NRG3: variants seen among roughly 807,000 people sequenced by gnomAD.
NRG3 encodes the protein neuregulin 3.
NRG3 carries 31 observed loss-of-function variants against 66.9 expected under a neutral mutation model. The observed-to-expected ratio is 0.46, with a 90% CI of 0.35 to 0.63. The LOEUF (loss-of-function observed/expected upper bound fraction) is 0.63. Among genes scored for constraint, NRG3 ranks in the 20% least tolerant of loss-of-function variants. The pLI is 0.00. For synonymous variants in NRG3, 393 were observed against 359.4 expected (o/e 1.09, Z -1.06); for missense variants, 910 against 878.9 (o/e 1.04, Z -0.45).
At chr10:82,946,991 T>C (rs1289317558) in intron 4 of NRG3, among the ~76,000 whole-genome samples, 1 of 152,176 alleles carries the variant, frequency 6.6e-6, no homozygotes, top group African/African-American at 2.4e-5. Context: ...CTGTTTATAA[T>C]GTATCACTAG....
intron 2 of NRG3, among the ~76,000 whole-genome samples, chr10:82,405,134 T>C (rs1480451927): frequency 6.6e-6 from 1 of 151,874 alleles, no homozygotes; most frequent in Non-Finnish European, 1.5e-5. Context: ...CTAAACAAAG[T>C]GAAAAAGACC....
rs367677897 is a variant in NRG3, at chr10:82,166,931, T to C, written c.824-191808T>C. 8.8e-4 allele frequency: 425 copies of C among 481,858 alleles called. 14 individuals carry two copies. The South Asian group carries it at 0.014, about 16-fold the overall frequency. The allele number at this position is 481,858 out of a possible 1,614,324, so 29.8% of individuals were successfully genotyped here. ...GGTATTTTAAAGATGTGCTTGACTGTCTTCTTGCTCGCATTATTTTGATAA... is the reference window on the plus strand; with the variant it reads ...GGTATTTTAAAGATGTGCTTGACTGCCTTCTTGCTCGCATTATTTTGATAA... On this transcript the variant is annotated intron_variant, in intron 1 of 8. Transcript: ENST00000372141.
At chr10:81,965,122 G>A (rs888864716) in intron 1 of NRG3, among the ~76,000 whole-genome samples, 5 of 152,158 alleles carry the variant, frequency 3.3e-5, no homozygotes, top group South Asian at 2.1e-4. Context: ...ACGAATTTCC[G>A]GAAAGTGCTG....
chr10:82,140,900 G>A (rs2069726556), intron 1 of NRG3, among the ~76,000 whole-genome samples: 1 of 152,084 alleles, frequency 6.6e-6, no homozygotes, highest in Non-Finnish European at 1.5e-5. Context: ...GATAGTGTTA[G>A]CCTTACCTAG....
intron 2 of NRG3, among the ~76,000 whole-genome samples, chr10:82,699,140 T>C (rs1269634830): frequency 1.3e-5 from 2 of 152,080 alleles, no homozygotes; most frequent in Non-Finnish European, 2.9e-5. Context: ...TGAAATGGAT[T>C]AGGATCAATT....
intron 3 of NRG3, among the ~76,000 whole-genome samples, chr10:82,865,157 G>A (rs1840583636): frequency 6.6e-6 from 1 of 152,096 alleles, no homozygotes; most frequent in Non-Finnish European, 1.5e-5. Context: ...TCTTCATGAT[G>A]TATGCAATAT....
chr10:82,738,581 A>G lies in NRG3; in HGVS notation c.958A>G (p.Lys320Glu). ...LTGSHKHCRC[K>E]EGYQGVRCDQ... ...TCATTTATCCCCTTTTCTCAGGTGC[A>G]AAGAAGGCTACCAAGGAGTCCGTTG... Residue 320 changes from lysine (K) to glutamate (E), a missense_variant, in exon 3 of 9, where the codon AAA (lysine) becomes GAA (glutamate). Coordinates refer to ENST00000372141, the MANE Select transcript of NRG3 (RefSeq NM_001010848.4). 1.2e-6 allele frequency: 2 copies of G among 1,614,052 alleles called. No homozygotes were observed. The highest frequency in any genetic ancestry group is 8.5e-7 in the Non-Finnish European group (1 of 1,179,904).
intron 1 of NRG3, among the ~76,000 whole-genome samples, chr10:82,116,282 G>A (rs1195689588): frequency 6.6e-6 from 1 of 152,062 alleles, no homozygotes; most frequent in Non-Finnish European, 1.5e-5. Flanking sequence ...CTTAAAAGGA[G>A]GGAAGGAGGG....
chr10:81,889,755 T>G (rs904618052), intron 1 of NRG3: 1 of 152,216 alleles, frequency 6.6e-6, no homozygotes. Flanking sequence ...ATCTATTTTA[T>G]TGACTTAGAT....
intron 3 of NRG3, among the ~76,000 whole-genome samples, chr10:82,861,390 T>C (rs957088577): frequency 6.6e-6 from 1 of 152,232 alleles, no homozygotes; most frequent in African/African-American, 2.4e-5. Context: ...TTCTGTTATG[T>C]TAAAAGAGGA....
At chr10:82,466,922 A>C (rs962558862) in intron 2 of NRG3, among the ~76,000 whole-genome samples, 2 of 152,108 alleles carry the variant, frequency 1.3e-5, no homozygotes, top group African/African-American at 4.8e-5. Flanking sequence ...CCAAAAAAAA[A>C]AAAAAACAAA....
Position 82,351,324 on chromosome 10 carries a change from G to T in NRG3, c.824-7415G>T, listed in dbSNP as rs148892751. On this transcript the variant is annotated intron_variant, in intron 1 of 8. Coordinates refer to ENST00000372141, the MANE Select transcript of NRG3 (RefSeq NM_001010848.4). ...AAAGACACATTTGGGAAATAAAGTT[G>T]TTGTAGAGAAAGATACACCATCCCC... Among the ~76,000 whole-genome samples, 590 of 152,290 alleles carry T rather than the reference G, an allele frequency of 3.9e-3. 10 individuals are homozygous for T. The highest frequency in any genetic ancestry group is 0.014 in the African/African-American group (571 of 41,554).
intron 1 of NRG3, among the ~76,000 whole-genome samples, chr10:82,208,796 C>T (rs2075257904): frequency 6.6e-6 from 1 of 152,012 alleles, no homozygotes; most frequent in African/African-American, 2.4e-5. Flanking sequence ...TAAAATATGG[C>T]AACTGCTACC....
intron 1 of NRG3, among the ~76,000 whole-genome samples, chr10:81,893,953 A>G (rs1425565853): frequency 6.6e-6 from 1 of 152,214 alleles, no homozygotes; most frequent in Non-Finnish European, 1.5e-5. Context: ...AGAGTGGGTC[A>G]CATGGAGTCC....
chr10:82,788,793 T>A (rs565244288), intron 3 of NRG3, among the ~76,000 whole-genome samples: 13 of 151,812 alleles, frequency 8.6e-5, no homozygotes, highest in South Asian at 4.1e-4. Context: ...ATTTTTTTTT[T>A]AAATCATACC....
At chr10:82,934,289 T>TTAAAAA (rs1309292226) in intron 4 of NRG3, among the ~76,000 whole-genome samples, 3 of 152,236 alleles carry the variant, frequency 2.0e-5, no homozygotes, top group African/African-American at 7.2e-5. Flanking sequence ...ACTTAAATAC[T>TTAAAAA]CTACATACTT....
chr10:82,918,002 G>A (rs1284076880), intron 4 of NRG3, among the ~76,000 whole-genome samples: 306 of 115,096 alleles, frequency 2.7e-3, no homozygotes, highest in Middle Eastern at 5.6e-3. Context: ...ATGTATGTAT[G>A]TATCTCTCTC....
intron 1 of NRG3, among the ~76,000 whole-genome samples, chr10:82,084,176 C>T (rs577653599): frequency 5.3e-5 from 8 of 151,980 alleles, no homozygotes; most frequent in South Asian, 4.2e-4. Flanking sequence ...TGCAGTGAGC[C>T]GAGATTGCGC....
chr10:81,875,857 G>A lies in NRG3; in HGVS notation c.517G>A (p.Val173Met). The change falls in exon 1 of 9, where the codon GTG (valine) becomes ATG (methionine). Residue 173 changes from valine (V) to methionine (M), a missense_variant. Physicochemically the swap from Val to Met is conservative, Grantham distance 21. Coordinates refer to ENST00000372141, the MANE Select transcript of NRG3 (RefSeq NM_001010848.4). The surrounding 1 kb of genome is among the most constrained non-coding windows in gnomAD (Gnocchi z 5.3). Reference sequence around the variant, plus strand: ...GCCCACTCGCTTCCCCGGGCACCGGGTGCCCATCCGGGCCAGCCCGCGCTC... The same window carrying A: ...GCCCACTCGCTTCCCCGGGCACCGGATGCCCATCCGGGCCAGCCCGCGCTC... ...RAPTRFPGHR[V>M]PIRASPRSTT... 1 of 1,609,984 alleles carries A rather than the reference G, an allele frequency of 6.2e-7. No individual in the cohort carries two copies. The highest frequency in any genetic ancestry group is 8.5e-7 in the Non-Finnish European group (1 of 1,179,664).
Sources: allele counts gnomAD v4.1 joint callset (sites outside exome capture counted in the v4.1 genomes callset), GRCh38; gene constraint gnomAD v4.1.1; non-coding constraint Gnocchi (gnomAD v3.1); transcripts MANE v1.5; gene names NCBI Gene and HGNC (gene_info 2026-07-23, HGNC 2026-07-21).